Variants in EBF2 observed in about 807,000 individuals in gnomAD.
The protein encoded by EBF2 is transcription factor COE2.
Under a neutral mutation model 72.8 loss-of-function variants are expected in EBF2, and 21 were observed. That is an observed-to-expected ratio of 0.29 (90% CI 0.20 to 0.42). The LOEUF (loss-of-function observed/expected upper bound fraction) is 0.42. EBF2 is among the 10% of genes least tolerant of loss of function. EBF2 has a pLI of 1.00. For synonymous variants in EBF2, 299 were observed against 274.2 expected (o/e 1.09, Z -0.89); for missense variants, 637 against 731.2 (o/e 0.87, Z 1.49).
At position 26,044,753 on chromosome 8, in the gene EBF2, A is replaced by C. The variant is rs763257395; in HGVS notation, c.107T>G (p.Val36Gly). Reference sequence around the variant, plus strand: ...CCTCTGCGCGGCGACATTAGCGTCCACCACTCCGACATTCCGGACCCAGGA... The same window carrying C: ...CCTCTGCGCGGCGACATTAGCGTCCCCCACTCCGACATTCCGGACCCAGGA... Reference protein sequence around the residue: ...VRSWVRNVGVVDANVAAQSGV... With the variant: ...VRSWVRNVGVGDANVAAQSGV... Residue 36 changes from valine to glycine, a missense_variant, in exon 1 of 16, where the codon GTG becomes GGG. This residue lies in a region of EBF2 where 174 missense variants were observed against 161.9 expected (regional missense o/e 1.07). Transcript: ENST00000520164. The surrounding 1 kb of genome is among the most constrained non-coding windows in gnomAD (Gnocchi z 4.1). 3 of 1,614,142 alleles carry C rather than the reference A, an allele frequency of 1.9e-6. No individual in the cohort carries two copies. The highest frequency in any genetic ancestry group is 2.2e-5 in the East Asian group (1 of 44,860).
intron 14 of EBF2, among the ~76,000 whole-genome samples, chr8:25,857,211 T>A (rs1238356060): frequency 6.6e-6 from 1 of 152,126 alleles, no homozygotes. Context: ...CTAGAAGAAC[T>A]GACCTCTACT....
At chr8:25,850,868 G>A in intron 14 of EBF2, 107 bp from the exon 15 acceptor site, 1 of 1,273,854 alleles carries the variant, frequency 7.9e-7, no homozygotes. Context: ...CATTGTTCCA[G>A]ATTGCAGGGA....
At chr8:26,013,546 A>T (rs1044692722) in intron 6 of EBF2, among the ~76,000 whole-genome samples, 10 of 152,326 alleles carry the variant, frequency 6.6e-5, no homozygotes, top group Non-Finnish European at 7.4e-5. Context: ...TAATTAAGGC[A>T]GAAACATTCA....
At chr8:25,971,369 G>A (rs1237778829) in intron 6 of EBF2, among the ~76,000 whole-genome samples, 6 of 152,186 alleles carry the variant, frequency 3.9e-5, no homozygotes, top group East Asian at 1.9e-4. Flanking sequence ...TTGCAGATCC[G>A]TGTTCTCTTT....
At chr8:26,038,729 C>T (rs1291719407) in intron 5 of EBF2, among the ~76,000 whole-genome samples, 3 of 152,206 alleles carry the variant, frequency 2.0e-5, no homozygotes, top group African/African-American at 7.2e-5. Flanking sequence ...CCAATGCCTT[C>T]CCCCCAGCTA....
At chr8:25,867,288 A>G (rs1802348865) in intron 10 of EBF2, among the ~76,000 whole-genome samples, 2 of 152,208 alleles carry the variant, frequency 1.3e-5, no homozygotes, top group Admixed American at 6.5e-5. Context: ...TATGCTCTAT[A>G]AATCTTACAT....
intron 6 of EBF2, among the ~76,000 whole-genome samples, chr8:25,956,010 A>G (rs1267173965): frequency 1.3e-5 from 2 of 152,154 alleles, no homozygotes; most frequent in Non-Finnish European, 2.9e-5. Context: ...TTATTTTTTA[A>G]AAAAAGGAAT....
intron 6 of EBF2, among the ~76,000 whole-genome samples, chr8:25,957,290 C>T (rs1392827346): frequency 6.6e-6 from 1 of 152,176 alleles, no homozygotes; most frequent in Admixed American, 6.5e-5. Context: ...TACTTTCATA[C>T]ACATGTCTTC....
At chr8:25,916,736 T>C (rs1378948947) in intron 6 of EBF2, among the ~76,000 whole-genome samples, 1 of 152,164 alleles carries the variant, frequency 6.6e-6, no homozygotes, top group Non-Finnish European at 1.5e-5. Flanking sequence ...GGAGTCCTCA[T>C]TCCTGTTTTC....
In EBF2 at chr8:25,861,176, G is replaced by A; in HGVS notation, c.1215C>T (p.Val405=). ...CTGGAAGCTGGCTGGGATTCCTGGG[G>A]ACGCTGTAGAGAGCTTCAGCAATGT... The part of the protein sequence containing the change: ...AADIAEALYS[V]PRNPSQLPAL... The change falls in exon 13 of 16, where the codon GTC becomes GTT. Residue 405 remains valine, a synonymous_variant. Coordinates refer to ENST00000520164, the MANE Select transcript of EBF2 (RefSeq NM_022659.4). The A allele has an allele frequency of 6.2e-7, 1 of 1,614,058 alleles. No homozygotes were observed. Among genetic ancestry groups the A allele is most frequent in the Non-Finnish European group, 8.5e-7 (1 of 1,179,974 alleles).
rs752076528 is a variant in EBF2 at position 25,886,819 on chromosome 8, C to G, written c.945G>C (p.Glu315Asp). Reference protein sequence around the residue: ...TPPRHIPGVVEVTLSYKSKQF... With the variant: ...TPPRHIPGVVDVTLSYKSKQF... ...GTTTAGATTTATAAGATAATGTCAC[C>G]TCTACCACGCCTGGGATGTGCCGGG... The change falls in exon 10 of 16, where the codon GAG (glutamate) becomes GAC (aspartate). Residue 315 changes from glutamate (E) to aspartate (D), a missense_variant. Physicochemically the swap from Glu to Asp is conservative, Grantham distance 45. Around this residue, in one of 3 missense-constraint regions of EBF2, gnomAD observed 204 missense variants for 301.2 expected, o/e 0.68. Coordinates refer to ENST00000520164, the MANE Select transcript of EBF2 (RefSeq NM_022659.4). 6.2e-7 allele frequency: 1 copy of G among 1,613,516 alleles called. No individual in the cohort carries two copies. The highest frequency in any genetic ancestry group is 1.7e-5 in the Admixed American group (1 of 59,958).
intron 6 of EBF2, among the ~76,000 whole-genome samples, chr8:25,966,047 A>G (rs976135453): frequency 2.6e-5 from 4 of 152,222 alleles, no homozygotes; most frequent in South Asian, 4.2e-4. Flanking sequence ...GAAGTTGAAG[A>G]AAAAAAAGGA....
At chr8:25,885,209 CTTTT>C (rs35187702) in intron 10 of EBF2, among the ~76,000 whole-genome samples, 1 of 149,228 alleles carries the variant, frequency 6.7e-6, no homozygotes, top group South Asian at 2.1e-4. Context: ...TACCAGGCTC[CTTTT>C]TTTTTTAACT....
chr8:26,005,609 G>A (rs1234546716), intron 6 of EBF2, among the ~76,000 whole-genome samples: 2 of 100,500 alleles, frequency 2.0e-5, no homozygotes, highest in Non-Finnish European at 3.9e-5. Flanking sequence ...AGGAGGCTCG[G>A]TTGAGCCCCC....
chr8:25,914,381 G>GGC (rs1803176712), intron 6 of EBF2, among the ~76,000 whole-genome samples: 1 of 152,232 alleles, frequency 6.6e-6, no homozygotes, highest in African/African-American at 2.4e-5. Context: ...CCTAGGGAAG[G>GGC]TGAAGGTTAG....
At chr8:25,967,438 T>C (rs1054680921) in intron 6 of EBF2, among the ~76,000 whole-genome samples, 3 of 152,240 alleles carry the variant, frequency 2.0e-5, no homozygotes, top group Non-Finnish European at 2.9e-5. Flanking sequence ...AGCTTATTAC[T>C]CTAAACTACC....
At chr8:26,022,854 C>G (rs972717978) in intron 6 of EBF2, among the ~76,000 whole-genome samples, 1 of 152,202 alleles carries the variant, frequency 6.6e-6, no homozygotes, top group African/African-American at 2.4e-5. Flanking sequence ...GGCTGGCTGA[C>G]AAGCTTGGAG....
chr8:25,972,147 G>A (rs781135910), intron 6 of EBF2, among the ~76,000 whole-genome samples: 4 of 152,234 alleles, frequency 2.6e-5, no homozygotes, highest in African/African-American at 4.8e-5. Context: ...AATCAACAGA[G>A]AGGAGCATGC....
At chr8:26,041,507 T>C (rs1022670702) in intron 2 of EBF2, 5 of 169,312 alleles carry the variant, frequency 3.0e-5, no homozygotes, top group African/African-American at 1.2e-4. Flanking sequence ...AAGCTCACAT[T>C]GTACAGCTGG....
Sources: gnomAD v4.1 joint callset for allele counts (sites outside exome capture counted in the v4.1 genomes callset) on GRCh38, gnomAD v4.1.1 for gene constraint, gnomAD v4.1.1 regional missense constraint, Gnocchi (gnomAD v3.1) non-coding constraint, MANE v1.5 for transcripts, NCBI Gene and HGNC (gene_info 2026-07-23, HGNC 2026-07-21) for gene names.